Variants in CHD4 observed in about 807,000 individuals in gnomAD.
CHD4 encodes chromodomain helicase DNA binding protein 4.
Under a neutral mutation model 235.5 loss-of-function variants are expected in CHD4, and 35 were observed. That is an observed-to-expected ratio of 0.15 (90% confidence interval 0.11 to 0.20). The LOEUF is 0.20. Ranked by LOEUF, CHD4 falls within the 10% of genes least tolerant of loss-of-function variation. CHD4 has a pLI of 1.00. For synonymous variants in CHD4, 900 were observed against 850.2 expected, an observed-to-expected ratio of 1.06 and a Z score of -1.02; for missense variants, 1,329 against 2,432.3, an observed-to-expected ratio of 0.55 and a Z score of 9.54.
chr12:6,585,065 A>T (rs1453868432), intron 25 of CHD4, among the ~76,000 whole-genome samples: 2 of 152,240 alleles, frequency 1.3e-5, no homozygotes, highest in Non-Finnish European at 1.5e-5. Flanking sequence ...GAATGAGAAA[A>T]GATGACAAAG....
In CHD4 at chr12:6,581,744, T is replaced by A. The variant is rs771299383; in HGVS notation, c.4586A>T (p.Lys1529Met). ...GGAGGGTGACCCTGGCTGGGACATCTTCTTGTTTTCCTCCACCTCAGCCAG... is the reference window on the plus strand; with the variant it reads ...GGAGGGTGACCCTGGCTGGGACATCATCTTGTTTTCCTCCACCTCAGCCAG... ...PELAEVEENK[K>M]MSQPGSPSPK... Residue 1529 changes from lysine to methionine, a missense_variant, in exon 31 of 40, where the codon AAG becomes ATG. Coordinates refer to ENST00000544040, the MANE Select transcript of CHD4 (RefSeq NM_001273.5). The A allele has an allele frequency of 1.7e-5, 28 of 1,600,054 alleles. No individual in the cohort carries two copies. Among genetic ancestry groups the A allele is most frequent in the East Asian group, 2.2e-5 (1 of 44,744 alleles).
chr12:6,570,588 G>A lies in CHD4; in HGVS notation c.*88C>T, dbSNP rs570774016. 1.3e-6 allele frequency: 2 copies of A among 1,517,740 alleles called. No individual in the cohort carries two copies. Among genetic ancestry groups the A allele is most frequent in the South Asian group, 2.3e-5 (2 of 88,320 alleles). 94.0% of individuals were successfully genotyped at this position (1,517,740 alleles called of 1,614,324 possible). A position where few individuals can be genotyped will look rare whatever the true frequency, so the allele number is the denominator to read the frequency against. ...GAAGATGGGCAGAAGGAAGGTGAGGGTCTCTCAGGCCCCCAGGGGAGAAGC... is the reference window on the plus strand; with the variant it reads ...GAAGATGGGCAGAAGGAAGGTGAGGATCTCTCAGGCCCCCAGGGGAGAAGC... On this transcript the variant is annotated 3_prime_UTR_variant, in exon 40 of 40. Transcript: ENST00000544040.
chr12:6,577,752 A>T, intron 37 of CHD4, 33 bp downstream of exon 37: 1 of 1,612,212 alleles, frequency 6.2e-7, no homozygotes, highest in South Asian at 1.1e-5. Context: ...CAAGTTTGTC[A>T]CTTAAGCAAT....
chr12:6,584,116 TA>T (rs1948240889), intron 25 of CHD4: 1 of 152,118 alleles, frequency 6.6e-6, no homozygotes, highest in Non-Finnish European at 1.5e-5. Context: ...AAAACAAAAT[TA>T]TGTCTGTACT....
At chr12:6,588,060 A>G in intron 23 of CHD4, 111 bp from the exon 24 acceptor site, 1 of 1,234,926 alleles carries the variant, frequency 8.1e-7, no homozygotes, top group Non-Finnish European at 1.1e-6. Context: ...CACAGCCTAC[A>G]TTCATAGGAA....
At chr12:6,596,846 G>A (rs1948507865) in intron 12 of CHD4, among the ~76,000 whole-genome samples, 1 of 151,714 alleles carries the variant, frequency 6.6e-6, no homozygotes, top group African/African-American at 2.4e-5. Flanking sequence ...TGTAATCCCA[G>A]CTACTCTGGA....
chr12:6,575,377 G>A (rs1053092137), intron 37 of CHD4, among the ~76,000 whole-genome samples: 2 of 151,496 alleles, frequency 1.3e-5, no homozygotes, highest in African/African-American at 4.9e-5. Context: ...GAAGCCAGGA[G>A]GCAGAGGGTG....
chr12:6,595,975 A>C (rs1948487313), intron 13 of CHD4, 31 bp downstream of exon 13: 6 of 1,576,546 alleles, frequency 3.8e-6, no homozygotes, highest in East Asian at 2.2e-5. Flanking sequence ...AAAAAAAGAA[A>C]CAACTCTATG....
Position 6,581,266 on chromosome 12 carries a change from G to A in CHD4, c.4779+25C>T, listed in dbSNP as rs201942144. On this transcript the variant is annotated intron_variant, in intron 32 of 39. Coordinates refer to ENST00000544040, the MANE Select transcript of CHD4 (RefSeq NM_001273.5). ...GGACTTACACATTTGTCTTTAGTATGGCATTCAGTCACCCCATCTCTTACC... is the reference window on the plus strand; with the variant it reads ...GGACTTACACATTTGTCTTTAGTATAGCATTCAGTCACCCCATCTCTTACC... 1.3e-4 allele frequency: 202 copies of A among 1,613,786 alleles called. No homozygotes were observed. The African/African-American group carries it at 2.6e-3, about 21-fold the overall frequency.
chr12:6,597,035 G>A (rs936294556), intron 12 of CHD4, among the ~76,000 whole-genome samples: 2 of 149,388 alleles, frequency 1.3e-5, no homozygotes, highest in African/African-American at 4.9e-5. Context: ...TTTGGAAGGA[G>A]GAGGTGAGCG....
In CHD4 at chr12:6,600,106, G is replaced by C; in HGVS notation, c.1243-94C>G. On this transcript the variant is annotated intron_variant, in intron 9 of 39. Transcript: ENST00000544040. ...ATCATTCCTTTGAATGCTTCCCAAA[G>C]CTCACAACCCGCAGCACCAGCATTT... The C allele has an allele frequency of 4.5e-6, 7 of 1,539,522 alleles. No homozygotes were observed. The South Asian group carries it at 7.1e-5, about 16-fold the overall frequency.
At chr12:6,599,649 G>T in intron 10 of CHD4, 124 bp downstream of exon 10, 2 of 1,204,470 alleles carry the variant, frequency 1.7e-6, no homozygotes, top group Non-Finnish European at 2.4e-6. Context: ...ATAGGATGAA[G>T]GAGAATACCT....
intron 37 of CHD4, 117 bp downstream of exon 37, chr12:6,577,668 T>A: frequency 7.2e-7 from 1 of 1,385,852 alleles, no homozygotes; most frequent in Middle Eastern, 1.8e-4. Context: ...AGCAAAGCCT[T>A]CCATAGAATG....
In CHD4 at chr12:6,588,225, G is replaced by A. The variant is rs116633312; in HGVS notation, c.3465+73C>T. 1,021 of 1,542,838 alleles carry A rather than the reference G, an allele frequency of 6.6e-4. 9 individuals carry two copies. The African/African-American group carries it at 0.012, about 19-fold the overall frequency. On this transcript the variant is annotated intron_variant, in intron 23 of 39. Transcript: ENST00000544040. ...TAAAAACCTAATTCCAGATGGTGGA[G>A]CCCTCATAGAGGCCACTATGCCTTT... is the stretch of plus-strand genomic sequence containing the variant.
intron 37 of CHD4, among the ~76,000 whole-genome samples, chr12:6,574,226 T>G (rs1192777403): frequency 6.6e-6 from 1 of 152,104 alleles, no homozygotes; most frequent in Admixed American, 6.6e-5. Flanking sequence ...AAAATGCTTT[T>G]TCTTCTCCCA....
chr12:6,587,835 G>A lies in CHD4; in HGVS notation c.3580C>T (p.Leu1194=). Residue 1194 remains leucine (L), a synonymous_variant, in exon 24 of 40, where the codon CTG becomes TTG. Transcript: ENST00000544040. ...ITQVAKKKMM[L]THLVVRPGLG... ...CCAGGCCGCACCACTAGATGCGTCA[G>A]CATCATTTTCTTCTTTGCCACCTGC... 1 of 1,614,226 alleles carries A rather than the reference G, an allele frequency of 6.2e-7. No individual in the cohort carries two copies. Among genetic ancestry groups the A allele is most frequent in the Non-Finnish European group, 8.5e-7 (1 of 1,180,052 alleles).
At chr12:6,589,191 A>G (rs1948350412) in intron 22 of CHD4, among the ~76,000 whole-genome samples, 1 of 151,810 alleles carries the variant, frequency 6.6e-6, no homozygotes, top group South Asian at 2.1e-4. Flanking sequence ...GTAAAAAAGA[A>G]AGAATGTCAG....
rs916124836 is a variant in CHD4, at chr12:6,571,170, C to T, written c.5558-138G>A. ...GTCTTCTGTCATCTGACCTGACCTC[C>T]ACCATGTTCAAATTCCTACTCCTCA... On this transcript the variant is annotated intron_variant, in intron 38 of 39. Transcript: ENST00000544040. 3.0e-6 allele frequency: 3 copies of T among 996,948 alleles called. No individual in the cohort carries two copies. The African/African-American group carries it at 4.9e-5, about 16-fold the overall frequency. The allele number at this position is 996,948 out of a possible 1,614,324, so 61.8% of individuals were successfully genotyped here. A position where few individuals can be genotyped will look rare whatever the true frequency, so the allele number is the denominator to read the frequency against.
intron 13 of CHD4, 145 bp from the exon 14 acceptor site, chr12:6,595,575 G>A (rs1948475278): frequency 1.6e-6 from 1 of 627,056 alleles, no homozygotes; most frequent in Non-Finnish European, 2.8e-6. Context: ...ATCACCTGAG[G>A]TCAGGAGATC....
Sources: gnomAD v4.1 joint callset for allele counts (sites outside exome capture counted in the v4.1 genomes callset) on GRCh38, gnomAD v4.1.1 for gene constraint, MANE v1.5 for transcripts, NCBI Gene and HGNC (gene_info 2026-07-23, HGNC 2026-07-21) for gene names.